Variants in SMAD2 observed in about 807,000 individuals in gnomAD.
SMAD2 encodes MAD homolog 2.
Under a neutral mutation model 64.4 loss-of-function variants are expected in SMAD2, and 8 were observed. The observed-to-expected ratio is 0.12, with a 90% CI of 0.07 to 0.22. The LOEUF (loss-of-function observed/expected upper bound fraction) is 0.22. SMAD2 is among the 10% of genes least tolerant of loss of function. The pLI is 1.00. For synonymous variants in SMAD2, 203 were observed against 195.8 expected (o/e 1.04, Z -0.31); for missense variants, 289 against 561.2 (o/e 0.51, Z 4.90).
intron 7 of SMAD2, among the ~76,000 whole-genome samples, chr18:47,850,159 C>T (rs1393509038): frequency 2.6e-5 from 3 of 114,130 alleles, no homozygotes; most frequent in Non-Finnish European, 5.0e-5. Flanking sequence ...CACATTTGTA[C>T]ATATATGTGC....
chr18:47,821,022 T>C lies in SMAD2; in HGVS notation c.*20805A>G, dbSNP rs1417949744. On this transcript the variant is annotated 3_prime_UTR_variant, in exon 11 of 11. Coordinates refer to ENST00000262160, the MANE Select transcript of SMAD2 (RefSeq NM_005901.6). ...AATTGAAAGAGGTTTTAATTTTTAA[T>C]TCTAAAATCAGCCATCTTCTAAACC... is the stretch of plus-strand genomic sequence containing the variant. 6.6e-6 allele frequency: 1 copy of C among 152,086 alleles called. No individual in the cohort carries two copies. The highest frequency in any genetic ancestry group is 1.5e-5 in the Non-Finnish European group (1 of 67,964). The allele number at this position is 152,086 out of a possible 1,614,324, so 9.4% of individuals were successfully genotyped here. A position where few individuals can be genotyped will look rare whatever the true frequency, so the allele number is the denominator to read the frequency against.
intron 2 of SMAD2, among the ~76,000 whole-genome samples, chr18:47,885,447 C>T (rs1211537634): frequency 1.3e-5 from 2 of 152,020 alleles, no homozygotes; most frequent in Non-Finnish European, 2.9e-5. Context: ...GGATTAAAGG[C>T]ATGAGCCACC....
At chr18:47,851,661 T>A (rs1299031272) in intron 6 of SMAD2, among the ~76,000 whole-genome samples, 1 of 152,174 alleles carries the variant, frequency 6.6e-6, no homozygotes, top group Non-Finnish European at 1.5e-5. Flanking sequence ...CTGTGTCCTT[T>A]CTTTTCATAT....
At position 47,822,681 on chromosome 18, in the gene SMAD2, CATTT is replaced by C. The variant is rs1434949242; in HGVS notation, c.*19142_*19145del. On this transcript the variant is annotated 3_prime_UTR_variant, in exon 11 of 11. Transcript: ENST00000262160. ...CAATTTGGAAACTATTTTGAGTATT[CATTT>C]GTTTTTGTTTTTGAGACGGAGTCTC... The C allele has an allele frequency of 2.0e-5, 3 of 152,094 alleles. No individual in the cohort carries two copies. Among genetic ancestry groups the C allele is most frequent in the African/African-American group, 7.2e-5 (3 of 41,428 alleles). 9.4% of individuals were successfully genotyped at this position (152,094 alleles called of 1,614,324 possible). A position where few individuals can be genotyped will look rare whatever the true frequency, so the allele number is the denominator to read the frequency against.
Position 47,870,461 on chromosome 18 carries a change from G to T in SMAD2, c.326+14C>A, listed in dbSNP as rs777261587. The T allele has an allele frequency of 1.9e-6, 3 of 1,583,004 alleles. No homozygotes were observed. The highest frequency in any genetic ancestry group is 3.3e-5 in the Admixed American group (2 of 59,918). ...ACAAGATCTCTAAGATTCGACAGAG[G>T]GCAGAATATTCACCTGGTTTGTTCA... On this transcript the variant is annotated intron_variant, in intron 3 of 10. Transcript: ENST00000262160.
At chr18:47,892,198 ATTT>A (rs35136920) in intron 2 of SMAD2, among the ~76,000 whole-genome samples, 3 of 142,326 alleles carry the variant, frequency 2.1e-5, no homozygotes, top group African/African-American at 2.7e-5. Flanking sequence ...TTACCTAGAC[ATTT>A]TTTTTTTTTT....
At chr18:47,912,651 G>A (rs995614167) in intron 1 of SMAD2, 14 of 152,124 alleles carry the variant, frequency 9.2e-5, no homozygotes, top group Admixed American at 9.2e-4. Flanking sequence ...GGACTGTCCA[G>A]GCCTGTTCCA....
At chr18:47,893,882 C>G (rs2144464677) in intron 2 of SMAD2, among the ~76,000 whole-genome samples, 1 of 152,266 alleles carries the variant, frequency 6.6e-6, no homozygotes, top group South Asian at 2.1e-4. Context: ...AGGCAAATTT[C>G]TACGCTTCAA....
At chr18:47,878,102 T>C (rs1207209295) in intron 2 of SMAD2, among the ~76,000 whole-genome samples, 2 of 152,154 alleles carry the variant, frequency 1.3e-5, no homozygotes, top group East Asian at 3.9e-4. Flanking sequence ...ATTCTAAGTT[T>C]CAAATCAGAA....
intron 2 of SMAD2, among the ~76,000 whole-genome samples, chr18:47,891,786 CA>C (rs2033205971): frequency 1.3e-5 from 2 of 151,652 alleles, no homozygotes; most frequent in South Asian, 4.2e-4. Context: ...AAACTGACTT[CA>C]AAGAAAAAAG....
At chr18:47,892,482 G>A (rs914323587) in intron 2 of SMAD2, among the ~76,000 whole-genome samples, 1 of 152,212 alleles carries the variant, frequency 6.6e-6, no homozygotes, top group Non-Finnish European at 1.5e-5. Flanking sequence ...TTACAGGCGT[G>A]AGCCACCATG....
rs1914400066 is a variant in SMAD2, at chr18:47,845,432, C to T, written c.1188G>A (p.Gln396=). 1 of 1,613,622 alleles carries T rather than the reference C, an allele frequency of 6.2e-7. No individual in the cohort carries two copies. The part of the protein sequence containing the change: ...NNQEFAALLA[Q]SVNQGFEAVY... ...CGGCTTCAAAACCCTGATTAACAGA[C>T]TGAGCCAGAAGAGCAGCAAATTCCT... Residue 396 remains glutamine, a synonymous_variant, in exon 10 of 11, where the codon CAG becomes CAA. Coordinates refer to ENST00000262160, the MANE Select transcript of SMAD2 (RefSeq NM_005901.6).
intron 6 of SMAD2, among the ~76,000 whole-genome samples, chr18:47,855,129 T>C (rs1420829903): frequency 1.3e-5 from 2 of 152,200 alleles, no homozygotes; most frequent in African/African-American, 4.8e-5. Flanking sequence ...TTTTGGAAAC[T>C]GACTTAAGCA....
In SMAD2 at chr18:47,839,582, A is replaced by G. The variant is rs769208018; in HGVS notation, c.*2245T>C. 5 of 233,140 alleles carry G rather than the reference A, an allele frequency of 2.1e-5. No homozygotes were observed. The highest frequency in any genetic ancestry group is 3.4e-5 in the Non-Finnish European group (4 of 117,966). 14.4% of individuals were successfully genotyped at this position (233,140 alleles called of 1,614,324 possible). On this transcript the variant is annotated 3_prime_UTR_variant, in exon 11 of 11. Transcript: ENST00000262160. ...GTAGTACTGATGTGGTGCAAATGAA[A>G]TTTTTACAGCAAAGGTTGAGGAAGG...
chr18:47,847,700 C>CAAAAA (rs58794971), intron 8 of SMAD2, among the ~76,000 whole-genome samples: 13 of 111,888 alleles, frequency 1.2e-4, no homozygotes, highest in East Asian at 9.4e-4. Flanking sequence ...ATTTCCAAAG[C>CAAAAA]AAAAAAAAAA....
chr18:47,864,849 T>C (rs2031443680), intron 6 of SMAD2, among the ~76,000 whole-genome samples: 1 of 152,202 alleles, frequency 6.6e-6, no homozygotes, highest in African/African-American at 2.4e-5. Flanking sequence ...AAAATAACAA[T>C]TATTCTGCAG....
At chr18:47,891,864 T>A (rs1383434881) in intron 2 of SMAD2, among the ~76,000 whole-genome samples, 2 of 152,148 alleles carry the variant, frequency 1.3e-5, no homozygotes, top group African/African-American at 4.8e-5. Context: ...AAACATTTAA[T>A]TGTGCTGACT....
chr18:47,867,829 C>G (rs1187978453), intron 5 of SMAD2, among the ~76,000 whole-genome samples: 1 of 151,946 alleles, frequency 6.6e-6, no homozygotes, highest in Non-Finnish European at 1.5e-5. Flanking sequence ...GGTTTTCTGA[C>G]GTTCGTGTTA....
chr18:47,846,354 C>A (rs1197891578), intron 8 of SMAD2, among the ~76,000 whole-genome samples: 4 of 151,540 alleles, frequency 2.6e-5, no homozygotes, highest in Non-Finnish European at 5.9e-5. Flanking sequence ...ATCACAGATG[C>A]AAAATAATAT....
Sources: gnomAD v4.1 joint callset for allele counts (sites outside exome capture counted in the v4.1 genomes callset) on GRCh38, gnomAD v4.1.1 for gene constraint, MANE v1.5 for transcripts, NCBI Gene and HGNC (gene_info 2026-07-23, HGNC 2026-07-21) for gene names.